Variants in ARHGAP39 observed in about 807,000 individuals in gnomAD.
ARHGAP39 encodes the protein rho GTPase-activating protein 39.
In ARHGAP39, 44 loss-of-function variants were observed where a neutral mutation model predicts 106.9. The observed-to-expected ratio is 0.41, with a 90% CI of 0.32 to 0.53. The LOEUF (loss-of-function observed/expected upper bound fraction) is 0.53. Among genes scored for constraint, ARHGAP39 ranks in the 20% least tolerant of loss-of-function variants. The pLI, the probability that ARHGAP39 is intolerant of heterozygous loss-of-function variation, is 0.21. For synonymous variants in ARHGAP39, 768 were observed against 693.2 expected, an observed-to-expected ratio of 1.11 and a Z score of -1.69; for missense variants, 1,496 against 1,577.3, an observed-to-expected ratio of 0.95 and a Z score of 0.87.
intron 5 of ARHGAP39, among the ~76,000 whole-genome samples, chr8:144,546,827 C>G (rs1238368499): frequency 6.6e-6 from 1 of 152,330 alleles, no homozygotes; most frequent in African/African-American, 2.4e-5. Flanking sequence ...CTGCTGAGGC[C>G]TTCTCTGTTC....
chr8:144,628,283 G>T (rs761729557), intron 1 of ARHGAP39, among the ~76,000 whole-genome samples: 15 of 152,126 alleles, frequency 9.9e-5, no homozygotes, highest in Non-Finnish European at 1.6e-4. Flanking sequence ...CATGGTGTGG[G>T]CTGTCAGTGA....
chr8:144,651,853 G>C (rs184761669), intron 1 of ARHGAP39, among the ~76,000 whole-genome samples: 11 of 152,174 alleles, frequency 7.2e-5, no homozygotes, highest in Non-Finnish European at 1.3e-4. Context: ...AAAACAGAAT[G>C]GTACTGGTAC....
rs537224710 is a variant in ARHGAP39, at chr8:144,535,324, A to AT, written c.2615-1123dup. The stretch of plus-strand genomic sequence containing the variant: ...CTCTTTTTTAGAGGAACCAAAATGA[A>AT]TTTTTTTTTTCATAGACGTTTAGGT... On this transcript the variant is annotated intron_variant, in intron 7 of 11. Coordinates refer to ENST00000377307, the MANE Select transcript of ARHGAP39 (RefSeq NM_025251.3). Among the ~76,000 whole-genome samples, 77 of 150,990 alleles carry AT rather than the reference A, an allele frequency of 5.1e-4. 1 individual carries two copies. The South Asian group carries it at 0.014, about 28-fold the overall frequency.
chr8:144,552,738 T>G (rs189640473), intron 4 of ARHGAP39, among the ~76,000 whole-genome samples: 1 of 152,092 alleles, frequency 6.6e-6, no homozygotes, highest in Non-Finnish European at 1.5e-5. Context: ...CAGGCTGAGG[T>G]AGTAGCACGC....
At chr8:144,617,139 G>A (rs147485023) in intron 1 of ARHGAP39, among the ~76,000 whole-genome samples, 2,931 of 152,078 alleles carry the variant, frequency 0.019, 35 homozygotes, top group Non-Finnish European at 0.032. Context: ...CTAGGGAGGC[G>A]GAGGTTGCAG....
intron 2 of ARHGAP39, among the ~76,000 whole-genome samples, chr8:144,594,703 A>C (rs1277809448): frequency 6.6e-6 from 1 of 151,656 alleles, no homozygotes; most frequent in Non-Finnish European, 1.5e-5. Flanking sequence ...TCAAAAAAAA[A>C]AAAAAAAGGT....
At position 144,545,778 on chromosome 8, in the gene ARHGAP39, C is replaced by T; in HGVS notation, c.1992G>A (p.Glu664=). The change falls in exon 6 of 12, where the codon GAG becomes GAA. Residue 664 remains glutamate, a synonymous_variant. Coordinates refer to ENST00000377307, the MANE Select transcript of ARHGAP39 (RefSeq NM_025251.3). ...CGCCGCTGCGGCTCTGCCGGCTGCT[C>T]TCGAACTGGGCACAGGCAGCGAGGT... ...SEDLAACAQF[E]SSRQSRSGVP... is the part of the protein sequence containing the mutation. The T allele has an allele frequency of 6.3e-7, 1 of 1,589,152 alleles. No individual in the cohort carries two copies. Among genetic ancestry groups the T allele is most frequent in the Non-Finnish European group, 8.6e-7 (1 of 1,168,262 alleles).
intron 4 of ARHGAP39, among the ~76,000 whole-genome samples, chr8:144,549,869 T>G (rs1042470241): frequency 6.6e-6 from 1 of 152,266 alleles, no homozygotes; most frequent in African/African-American, 2.4e-5. Flanking sequence ...TCTTCTCAAC[T>G]GCCTTCCAGT....
At chr8:144,603,239 G>T (rs190621433) in intron 2 of ARHGAP39, among the ~76,000 whole-genome samples, 1 of 150,192 alleles carries the variant, frequency 6.7e-6, no homozygotes, top group Non-Finnish European at 1.5e-5. Flanking sequence ...GCCTGGAGGC[G>T]TGCGTGTGTG....
At chr8:144,643,692 A>G (rs747377414) in intron 1 of ARHGAP39, among the ~76,000 whole-genome samples, 1 of 152,136 alleles carries the variant, frequency 6.6e-6, no homozygotes, top group Non-Finnish European at 1.5e-5. Context: ...ATTGTACTCA[A>G]TGTTACTAAA....
At chr8:144,574,131 A>G (rs1288282183) in intron 3 of ARHGAP39, among the ~76,000 whole-genome samples, 2 of 140,788 alleles carry the variant, frequency 1.4e-5, no homozygotes, top group East Asian at 4.3e-4. Context: ...GCACCACTGT[A>G]CTGCAGCCTG....
intron 1 of ARHGAP39, among the ~76,000 whole-genome samples, chr8:144,624,238 C>A (rs529218934): frequency 6.6e-6 from 1 of 152,328 alleles, no homozygotes; most frequent in South Asian, 2.1e-4. Context: ...CCATGACGAG[C>A]GCCCTTTGCA....
rs1822336173 is a variant in ARHGAP39, at chr8:144,679,554, TA to T, written c.-82+6131del. Among the ~76,000 whole-genome samples the T allele has an allele frequency of 6.6e-6, 1 of 152,238 alleles. No homozygotes were observed. Among genetic ancestry groups the T allele is most frequent in the African/African-American group, 2.4e-5 (1 of 41,466 alleles). On this transcript the variant is annotated intron_variant, in intron 1 of 11. Coordinates refer to ENST00000377307, the MANE Select transcript of ARHGAP39 (RefSeq NM_025251.3). This position sits in a 1 kb window ranked among gnomAD's most constrained non-coding sequence, Gnocchi z 4.7. ...ACTCGCTCTGGAGAAAGCTGTCCAG[TA>T]AACTCCTGGATTTGGATTTCTTCCT...
intron 2 of ARHGAP39, among the ~76,000 whole-genome samples, chr8:144,594,927 G>A (rs1819551782): frequency 6.6e-6 from 1 of 151,370 alleles, no homozygotes; most frequent in Non-Finnish European, 1.5e-5. Context: ...CTGTAATCTC[G>A]GCACTTTGGG....
intron 1 of ARHGAP39, among the ~76,000 whole-genome samples, chr8:144,677,806 GGCTTCACTGA>G (rs1374206910): frequency 6.6e-6 from 1 of 152,222 alleles, no homozygotes; most frequent in Non-Finnish European, 1.5e-5. Context: ...GAGACTAGGA[GGCTTCACTGA>G]GCTCCCTTTG....
At chr8:144,632,380 G>A (rs562234149) in intron 1 of ARHGAP39, among the ~76,000 whole-genome samples, 33 of 152,288 alleles carry the variant, frequency 2.2e-4, no homozygotes, top group African/African-American at 7.9e-4. Context: ...TCTTCCAGCC[G>A]CACTGGAGCA....
intron 1 of ARHGAP39, among the ~76,000 whole-genome samples, chr8:144,618,856 G>A (rs377280226): frequency 3.0e-4 from 45 of 152,354 alleles, no homozygotes; most frequent in African/African-American, 1.0e-3. Context: ...GCAGGACCGC[G>A]GGCGCACAGC....
In ARHGAP39 at chr8:144,545,358, G is replaced by C; in HGVS notation, c.2412C>G (p.Gly804=). Residue 804 remains glycine (G), a synonymous_variant, in exon 6 of 12, where the codon GGC becomes GGG. Transcript: ENST00000377307. ...ENFRLESLAR[G]WELMAICLAF... is the part of the protein sequence containing the mutation. ...CCAGGCAGATGGCCATGAGCTCCCA[G>C]CCGCGGGCCAGGCTCTCCAGGCGGA... is the stretch of plus-strand genomic sequence containing the variant. 2 of 1,601,206 alleles carry C rather than the reference G, an allele frequency of 1.2e-6. No homozygotes were observed. The highest frequency in any genetic ancestry group is 1.7e-6 in the Non-Finnish European group (2 of 1,171,564).
At chr8:144,639,338 A>AAAAGAAAG (rs1204395548) in intron 1 of ARHGAP39, among the ~76,000 whole-genome samples, 40 of 146,348 alleles carry the variant, frequency 2.7e-4, no homozygotes, top group African/African-American at 1.0e-3. Flanking sequence ...AAAAAAAAAA[A>AAAAGAAAG]AAAGAAAGAA....
Sources: allele counts gnomAD v4.1 joint callset (sites outside exome capture counted in the v4.1 genomes callset), GRCh38; gene constraint gnomAD v4.1.1; non-coding constraint Gnocchi (gnomAD v3.1); transcripts MANE v1.5; gene names NCBI Gene and HGNC (gene_info 2026-07-23, HGNC 2026-07-21).